The following AVEN variants were observed in gnomAD, a reference collection of about 807,000 sequenced individuals.
AVEN encodes cell death regulator Aven.
AVEN carries 41 observed loss-of-function variants against 38.1 expected under a neutral mutation model. The observed-to-expected ratio is 1.08, with a 90% CI of 0.84 to 1.40. The LOEUF (loss-of-function observed/expected upper bound fraction) is 1.40, where lower values mean the gene tolerates loss of function less well. AVEN is among the 40% of genes most tolerant of loss of function. The pLI, the probability that AVEN is intolerant of heterozygous loss-of-function variation, is 0.00. For missense variants in AVEN, 605 were observed against 438.8 expected (o/e 1.38, Z -3.38); for synonymous variants, 206 against 171.8 (o/e 1.20, Z -1.56).
chr15:33,859,546 C>CCTAAATCCCCCTTATTTTTCTTCTCTAGT, intron 11 of AVEN: 2 of 1,612,740 alleles, frequency 1.2e-6, no homozygotes, highest in Middle Eastern at 1.7e-4. Flanking sequence ...GTGACTTTTG[C>CCTAAATCCCCCTTATTTTTCTTCTCTAGT]CTAAATCCCC....
At chr15:33,926,345 A>G (rs1217880098) in intron 2 of AVEN, among the ~76,000 whole-genome samples, 1 of 152,176 alleles carries the variant, frequency 6.6e-6, no homozygotes, top group African/African-American at 2.4e-5. Flanking sequence ...AGCATGCTGG[A>G]AAGGTCACTT....
At chr15:33,950,305 A>G (rs918168379) in intron 2 of AVEN, among the ~76,000 whole-genome samples, 5 of 152,198 alleles carry the variant, frequency 3.3e-5, no homozygotes, top group African/African-American at 9.7e-5. Flanking sequence ...TATAATTAAT[A>G]TTACTCTCTT....
In AVEN at chr15:33,918,669, G is replaced by A. The variant is rs539958514; in HGVS notation, c.446-42674C>T. ...GGGGTTTCTCCATGTTGGCCAGGCC[G>A]GTCTTGAACTTCTGACTTCAGGTGA... On this transcript the variant is annotated intron_variant, in intron 2 of 5. Coordinates refer to ENST00000306730, the MANE Select transcript of AVEN (RefSeq NM_020371.3). Among the ~76,000 whole-genome samples the A allele has an allele frequency of 7.2e-5, 11 of 151,778 alleles. No homozygotes were observed. In the South Asian group the frequency reaches 8.3e-4, roughly 12 times the overall value.
chr15:33,862,774 C>G (rs1209540709), downstream of AVEN, among the ~76,000 whole-genome samples: 1 of 152,072 alleles, frequency 6.6e-6, no homozygotes, highest in Non-Finnish European at 1.5e-5. Context: ...CCATCCTGGG[C>G]TAATTTTTGT....
At chr15:34,037,122 A>AT (rs1182721350) in intron 1 of AVEN, among the ~76,000 whole-genome samples, 150 of 150,902 alleles carry the variant, frequency 9.9e-4, no homozygotes, top group African/African-American at 3.4e-3. Context: ...AAAAAAAAAA[A>AT]AAATATATAC....
downstream of AVEN, among the ~76,000 whole-genome samples, chr15:33,861,936 TCCCAGTACCTAGAACAATGCCTGGCA>T (rs1277145606): frequency 3.3e-5 from 5 of 152,160 alleles, no homozygotes; most frequent in Middle Eastern, 6.8e-3. Context: ...TACTGCTTTA[TCCCAGTACCTAGAACAATGCCTGGCA>T]CCCAGTAGGC....
chr15:33,902,775 T>A (rs671822), intron 2 of AVEN, among the ~76,000 whole-genome samples: 120,556 of 152,174 alleles, frequency 0.79, 51,030 homozygotes, highest in East Asian at 0.97. Context: ...AACAGCCTAG[T>A]TGAAAAAGAA....
At position 34,038,820 on chromosome 15, in the gene AVEN, C is replaced by T; in HGVS notation, c.227G>A (p.Arg76His). 8.4e-7 allele frequency: 1 copy of T among 1,191,496 alleles called. No homozygotes were observed. The highest frequency in any genetic ancestry group is 1.0e-6 in the Non-Finnish European group (1 of 962,044). 73.8% of individuals were successfully genotyped at this position (1,191,496 alleles called of 1,614,324 possible). ...TGCGCCCCAGCCTCCCGGCTCCCGG[C>T]GGCTGCCTCGCGGGGCGCCTCCTCC... is the stretch of plus-strand genomic sequence containing the variant. Reference protein sequence around the residue: ...RGGGGAPRGSRREPGGWGAGA... With the variant: ...RGGGGAPRGSHREPGGWGAGA... Residue 76 changes from arginine to histidine, a missense_variant, in exon 1 of 6, where the codon CGC becomes CAC. Physicochemically the swap from Arg to His is conservative, Grantham distance 29. Transcript: ENST00000306730.
intron 5 of AVEN, among the ~76,000 whole-genome samples, chr15:34,057,699 AG>A (rs778253913): frequency 1.3e-5 from 2 of 152,326 alleles, no homozygotes; most frequent in African/African-American, 4.8e-5. Flanking sequence ...TGGGAGGCTG[AG>A]GCAGGAGGAT....
chr15:34,004,121 C>T (rs1271696400), intron 1 of AVEN, among the ~76,000 whole-genome samples: 2 of 152,202 alleles, frequency 1.3e-5, no homozygotes, highest in African/African-American at 4.8e-5. Flanking sequence ...TGGACACACA[C>T]ACATACACAA....
At chr15:34,073,745 T>C (rs1900678482) in intron 1 of AVEN, among the ~76,000 whole-genome samples, 1 of 151,436 alleles carries the variant, frequency 6.6e-6, no homozygotes, top group Non-Finnish European at 1.5e-5. Context: ...GGTCTTGAAC[T>C]CCTGACCTTG....
intron 2 of AVEN, among the ~76,000 whole-genome samples, chr15:33,952,228 C>T (rs1477690138): frequency 6.6e-6 from 1 of 152,018 alleles, no homozygotes; most frequent in Non-Finnish European, 1.5e-5. Flanking sequence ...GCCTGTCTTC[C>T]ACATCAAAAA....
chr15:34,015,407 G>A (rs1013244674), intron 1 of AVEN, among the ~76,000 whole-genome samples: 7 of 151,996 alleles, frequency 4.6e-5, no homozygotes, highest in East Asian at 1.9e-4. Flanking sequence ...GCGTGAACCC[G>A]GGAGGCGGAG....
At chr15:33,857,681 G>GTCCTCACTCTTCC, downstream of AVEN, 1 of 1,475,836 alleles carries the variant, frequency 6.8e-7, no homozygotes, top group Non-Finnish European at 9.3e-7. Flanking sequence ...CTCCTTGCCC[G>GTCCTCACTCTTCC]TCCTCACTCT....
chr15:33,869,307 A>C (rs1890836593), intron 4 of AVEN, among the ~76,000 whole-genome samples: 2 of 152,200 alleles, frequency 1.3e-5, no homozygotes. Context: ...AATGTTTCTA[A>C]GTGATTTAGC....
At chr15:33,863,701 T>C (rs987545105), downstream of AVEN, among the ~76,000 whole-genome samples, 7 of 152,178 alleles carry the variant, frequency 4.6e-5, no homozygotes, top group African/African-American at 1.7e-4. Flanking sequence ...ATTAAATACT[T>C]TCTAACTTTT....
intron 2 of AVEN, among the ~76,000 whole-genome samples, chr15:33,951,733 A>G (rs551089256): frequency 2.0e-5 from 3 of 152,318 alleles, no homozygotes; most frequent in African/African-American, 7.2e-5. Flanking sequence ...AGGCTACTTT[A>G]TAAGTTACAG....
chr15:33,938,567 A>T (rs1286118200), intron 2 of AVEN, among the ~76,000 whole-genome samples: 1 of 152,220 alleles, frequency 6.6e-6, no homozygotes, highest in Admixed American at 6.5e-5. Flanking sequence ...ATTTGCATAC[A>T]TGTAACCAAC....
At chr15:33,893,529 C>T (rs926736742) in intron 2 of AVEN, among the ~76,000 whole-genome samples, 1 of 152,286 alleles carries the variant, frequency 6.6e-6, no homozygotes, top group East Asian at 1.9e-4. Context: ...CCCCAGTACT[C>T]CAGCTTGGGT....
Sources: allele counts gnomAD v4.1 joint callset (sites outside exome capture counted in the v4.1 genomes callset), GRCh38; gene constraint gnomAD v4.1.1; transcripts MANE v1.5; gene names NCBI Gene and HGNC (gene_info 2026-07-23, HGNC 2026-07-21).